The following DARS1 variants were observed in gnomAD, a reference collection of about 807,000 sequenced individuals.
The protein encoded by DARS1 is aspartyl-tRNA synthetase 1.
In DARS1, 51 loss-of-function variants were observed where a neutral mutation model predicts 68.8. That is an observed-to-expected ratio of 0.74 (90% confidence interval 0.59 to 0.94). DARS1 has a LOEUF of 0.94. Among genes scored for constraint, DARS1 ranks in the 40% least tolerant of loss-of-function variants. DARS1 has a pLI of 0.00. For missense variants in DARS1, 607 were observed against 597.3 expected (o/e 1.02, Z -0.17); for synonymous variants, 203 against 190.4 (o/e 1.07, Z -0.55).
At chr2:135,956,533 T>C (rs1681981334) in intron 4 of DARS1, among the ~76,000 whole-genome samples, 1 of 152,086 alleles carries the variant, frequency 6.6e-6, no homozygotes, top group Admixed American at 6.6e-5. Flanking sequence ...AGCAGGATTC[T>C]TACTAAAACT....
chr2:135,964,039 C>T (rs911504950), intron 3 of DARS1, among the ~76,000 whole-genome samples: 1 of 152,178 alleles, frequency 6.6e-6, no homozygotes, highest in African/African-American at 2.4e-5. Context: ...GATTAATTAT[C>T]ATTCCTTTTT....
At position 135,907,042 on chromosome 2, in the gene DARS1, A is replaced by C. The variant is rs1179415080; in HGVS notation, c.*274T>G. The C allele has an allele frequency of 4.5e-6, 1 of 220,298 alleles. No homozygotes were observed. 13.6% of individuals were successfully genotyped at this position (220,298 alleles called of 1,614,324 possible). Reference sequence around the variant, plus strand: ...TAACAGAATATGAATTTGTAACATAACCATATGAATTTCTCAAGTTATTTC... The same window carrying C: ...TAACAGAATATGAATTTGTAACATACCCATATGAATTTCTCAAGTTATTTC... On this transcript the variant is annotated 3_prime_UTR_variant, in exon 16 of 16. Coordinates refer to ENST00000264161, the MANE Select transcript of DARS1 (RefSeq NM_001349.4).
intron 4 of DARS1, among the ~76,000 whole-genome samples, chr2:135,960,994 T>C (rs1309280113): frequency 6.6e-6 from 1 of 152,234 alleles, no homozygotes; most frequent in Non-Finnish European, 1.5e-5. Flanking sequence ...TTTTATTTTA[T>C]ATACTTTTAT....
At chr2:135,911,104 T>G (rs1173789933) in intron 15 of DARS1, 35 bp downstream of exon 15, 2 of 913,388 alleles carry the variant, frequency 2.2e-6, no homozygotes, top group African/African-American at 3.3e-5. Context: ...ACTTAGAACT[T>G]ATGAACTTAT....
rs992435404 is a variant in DARS1, at chr2:135,907,242, C to CT, written c.*73dup. On this transcript the variant is annotated 3_prime_UTR_variant, in exon 16 of 16. Coordinates refer to ENST00000264161, the MANE Select transcript of DARS1 (RefSeq NM_001349.4). ...TACTGAAAAGAATAAGTGTGGCTTTCTTTTTTTTTTTTTTTTTTTGAGGCA... is the reference window on the plus strand; with the variant it reads ...TACTGAAAAGAATAAGTGTGGCTTTCTTTTTTTTTTTTTTTTTTTTGAGGCA... The CT allele has an allele frequency of 0.034, 15,605 of 453,010 alleles. 38 individuals are homozygous for CT. The highest frequency in any genetic ancestry group is 0.043 in the South Asian group (1,491 of 34,654). The allele number at this position is 453,010 out of a possible 1,614,324, so 28.1% of individuals were successfully genotyped here. A position where few individuals can be genotyped will look rare whatever the true frequency, so the allele number is the denominator to read the frequency against.
chr2:135,958,131 A>G (rs1029719025), intron 4 of DARS1, among the ~76,000 whole-genome samples: 11 of 152,232 alleles, frequency 7.2e-5, no homozygotes, highest in Admixed American at 7.2e-4. Flanking sequence ...GCAAAGAGTA[A>G]TCTAAGAATG....
chr2:135,974,939 T>C (rs1482997672), intron 3 of DARS1, among the ~76,000 whole-genome samples: 2 of 151,970 alleles, frequency 1.3e-5, no homozygotes, highest in Non-Finnish European at 2.9e-5. Flanking sequence ...AACCAATGAC[T>C]GAAACACAAA....
chr2:135,920,093 C>T (rs1024629822), intron 10 of DARS1, among the ~76,000 whole-genome samples: 12 of 152,192 alleles, frequency 7.9e-5, no homozygotes, highest in African/African-American at 2.9e-4. Flanking sequence ...TTACACACTA[C>T]CCTCATACTG....
intron 7 of DARS1, among the ~76,000 whole-genome samples, chr2:135,931,987 C>T (rs887681451): frequency 3.3e-5 from 5 of 152,066 alleles, no homozygotes; most frequent in African/African-American, 1.2e-4. Flanking sequence ...ACATGAAAAA[C>T]CTGAGGTTTC....
intron 12 of DARS1, among the ~76,000 whole-genome samples, chr2:135,913,292 T>C (rs1172175906): frequency 6.6e-6 from 1 of 152,130 alleles, no homozygotes; most frequent in African/African-American, 2.4e-5. Flanking sequence ...TTGAAAAACA[T>C]GGATTATCTT....
In DARS1 at chr2:135,907,246, T is replaced by C. The variant is rs901313756; in HGVS notation, c.*70A>G. ...GAAAAGAATAAGTGTGGCTTTCTTT[T>C]TTTTTTTTTTTTTTTGAGGCAGGGT... is the stretch of plus-strand genomic sequence containing the variant. On this transcript the variant is annotated 3_prime_UTR_variant, in exon 16 of 16. Transcript: ENST00000264161. 34 of 619,858 alleles carry C rather than the reference T, an allele frequency of 5.5e-5. 1 individual carries two copies. The highest frequency in any genetic ancestry group is 4.0e-4 in the Middle Eastern group (1 of 2,482). 38.4% of individuals were successfully genotyped at this position (619,858 alleles called of 1,614,324 possible).
chr2:135,977,453 T>C (rs1682524847), intron 3 of DARS1, among the ~76,000 whole-genome samples: 1 of 152,242 alleles, frequency 6.6e-6, no homozygotes, highest in African/African-American at 2.4e-5. Flanking sequence ...AGGGAAATAT[T>C]CTTGGTTCAG....
At chr2:135,928,636 C>T (rs1279139888) in intron 7 of DARS1, among the ~76,000 whole-genome samples, 5 of 149,886 alleles carry the variant, frequency 3.3e-5, no homozygotes, top group Non-Finnish European at 7.4e-5. Context: ...GCATGAGCCA[C>T]CATGCCTGGC....
chr2:135,954,577 G>C (rs146187192), intron 4 of DARS1, among the ~76,000 whole-genome samples: 2 of 152,196 alleles, frequency 1.3e-5, no homozygotes, highest in East Asian at 3.9e-4. Flanking sequence ...TTTGGGTCTG[G>C]TACAGGGACT....
chr2:135,943,361 A>G lies in DARS1; in HGVS notation c.423+17T>C, dbSNP rs1268098814. On this transcript the variant is annotated intron_variant, in intron 5 of 15. Coordinates refer to ENST00000264161, the MANE Select transcript of DARS1 (RefSeq NM_001349.4). ...AATCTATTTCTATATGCGATTTTAT[A>G]TTTTGAAAAAACTTACCTTCTGAAC... 1.9e-6 allele frequency: 3 copies of G among 1,603,884 alleles called. No individual in the cohort carries two copies. The highest frequency in any genetic ancestry group is 2.6e-6 in the Non-Finnish European group (3 of 1,176,188).
At chr2:135,951,216 TG>T (rs1399011394) in intron 4 of DARS1, among the ~76,000 whole-genome samples, 1 of 152,218 alleles carries the variant, frequency 6.6e-6, no homozygotes, top group African/African-American at 2.4e-5. Context: ...CCAATGGACT[TG>T]CCTTCTTCTT....
rs967111310 is a variant in DARS1 at position 135,907,341 on chromosome 2, C to T, written c.1481G>A (p.Arg494His). Residue 494 changes from arginine to histidine, a missense_variant, in exon 16 of 16, where the codon CGT (arginine) becomes CAT (histidine). Arg to His is a conservative substitution (Grantham distance 29, BLOSUM62 0). Transcript: ENST00000264161. ...HNVRQTSMFPRDPKRLTP is the reference protein window; with the variant it reads ...HNVRQTSMFPHDPKRLTP ...TTAAGGAGTGAGTCGTTTGGGATCA[C>T]GAGGGAACATGGAGGTCTGACGAAC... 5 of 1,581,564 alleles carry T rather than the reference C, an allele frequency of 3.2e-6. No individual in the cohort carries two copies. Among genetic ancestry groups the T allele is most frequent in the African/African-American group, 1.4e-5 (1 of 72,300 alleles).
At chr2:135,952,205 C>T (rs1388046099) in intron 4 of DARS1, among the ~76,000 whole-genome samples, 1 of 152,202 alleles carries the variant, frequency 6.6e-6, no homozygotes, top group Non-Finnish European at 1.5e-5. Flanking sequence ...GATTGCACCA[C>T]TGCACTCCAG....
chr2:135,967,570 T>A (rs1682264329), intron 3 of DARS1, among the ~76,000 whole-genome samples: 1 of 152,226 alleles, frequency 6.6e-6, no homozygotes, highest in African/African-American at 2.4e-5. Flanking sequence ...ATGTTATATA[T>A]AAACCTACCA....
Sources: allele counts gnomAD v4.1 joint callset (sites outside exome capture counted in the v4.1 genomes callset), GRCh38; gene constraint gnomAD v4.1.1; transcripts MANE v1.5; gene names NCBI Gene and HGNC (gene_info 2026-07-23, HGNC 2026-07-21).